Variants in NSUN7 observed in about 807,000 individuals in gnomAD.
The protein encoded by NSUN7 is NOP2/Sun RNA methyltransferase family member 7.
NSUN7 carries 39 observed loss-of-function variants against 58.5 expected under a neutral mutation model. That is an observed-to-expected ratio of 0.67 (90% CI 0.52 to 0.87). The LOEUF (loss-of-function observed/expected upper bound fraction) is 0.87, where lower values mean the gene tolerates loss of function less well. Ranked by LOEUF, NSUN7 falls within the 40% of genes least tolerant of loss-of-function variation. The probability of loss-of-function intolerance (pLI) is 0.00; values close to 1 mark genes in which losing one functional copy is unlikely to be tolerated. For missense variants in NSUN7, 765 were observed against 844.1 expected (o/e 0.91, Z 1.16); for synonymous variants, 278 against 303.7 (o/e 0.92, Z 0.88).
chr4:40,776,178 T>G lies in NSUN7; in HGVS notation c.955T>G (p.Ser319Ala), dbSNP rs150491454. Residue 319 changes from serine to alanine, a missense_variant, in exon 7 of 12, where the codon TCA becomes GCA. Physicochemically the swap from Ser to Ala is moderately conservative, Grantham distance 99 (BLOSUM62 1). Transcript: ENST00000381782. ...HMSILTNNNT[S>A]KVFVCGVQSQ... ...GTCAATTTTAACAAATAATAATACC[T>G]CAAAAGTATTTGTGTGTGGAGTACA... 54 of 1,612,566 alleles carry G rather than the reference T, an allele frequency of 3.3e-5. No homozygotes were observed. The African/African-American group carries it at 6.9e-4, about 21-fold the overall frequency.
chr4:40,751,200 CTG>C (rs1480570601), intron 2 of NSUN7, among the ~76,000 whole-genome samples: 1 of 152,214 alleles, frequency 6.6e-6, no homozygotes, highest in Non-Finnish European at 1.5e-5. Flanking sequence ...TCCCCGTGCA[CTG>C]TGTTTGTCCT....
intron 7 of NSUN7, among the ~76,000 whole-genome samples, chr4:40,787,353 AG>A (rs60350317): frequency 0.14 from 21,006 of 151,448 alleles, 1,537 homozygotes; most frequent in South Asian, 0.17. Flanking sequence ...AAATAAAAAA[AG>A]TGATTTTAAA....
intron 4 of NSUN7, among the ~76,000 whole-genome samples, 176 bp from the exon 5 acceptor site, chr4:40,774,089 C>T (rs750627719): frequency 5.3e-5 from 8 of 152,118 alleles, no homozygotes; most frequent in South Asian, 2.1e-4. Flanking sequence ...TGAGCCGCTG[C>T]GCCTGGGCTT....
intron 11 of NSUN7, among the ~76,000 whole-genome samples, 186 bp downstream of exon 11, chr4:40,807,370 A>G (rs931035410): frequency 4.5e-5 from 6 of 134,634 alleles, no homozygotes; most frequent in African/African-American, 1.7e-4. Context: ...TTTTTTTGAG[A>G]CAGAGTCTTG....
intron 4 of NSUN7, among the ~76,000 whole-genome samples, chr4:40,770,717 T>C (rs1741957103): frequency 6.6e-6 from 1 of 151,836 alleles, no homozygotes; most frequent in Non-Finnish European, 1.5e-5. Flanking sequence ...CCAAAAGAAG[T>C]AGTAAAAAGC....
intron 2 of NSUN7, among the ~76,000 whole-genome samples, chr4:40,752,982 C>T (rs1740914627): frequency 6.6e-6 from 1 of 152,118 alleles, no homozygotes; most frequent in African/African-American, 2.4e-5. Context: ...TGCAATGAAT[C>T]AAATGAACAT....
At position 40,790,256 on chromosome 4, in the gene NSUN7, G is replaced by T. The variant is rs540125348; in HGVS notation, c.1037-346G>T. On this transcript the variant is annotated intron_variant, in intron 7 of 11. Transcript: ENST00000381782. ...TATGAAGAAGGAAATGGAGGCTCAG[G>T]GAGATTAAAATGCACAGCTAGTAAA... Among the ~76,000 whole-genome samples the T allele has an allele frequency of 2.0e-5, 3 of 152,218 alleles. No homozygotes were observed. The East Asian group carries it at 5.8e-4, about 29-fold the overall frequency.
At chr4:40,755,492 A>G (rs1280999133) in intron 2 of NSUN7, among the ~76,000 whole-genome samples, 1 of 152,166 alleles carries the variant, frequency 6.6e-6, no homozygotes, top group Non-Finnish European at 1.5e-5. Context: ...GAAATTGCTT[A>G]TCTTTTTCCT....
At chr4:40,802,980 C>A (rs1743655072) in intron 10 of NSUN7, among the ~76,000 whole-genome samples, 2 of 131,868 alleles carry the variant, frequency 1.5e-5, no homozygotes, top group African/African-American at 5.8e-5. Context: ...TGTTCCCCTT[C>A]CTGTGTCCAT....
chr4:40,759,134 A>G (rs1197891363), intron 2 of NSUN7, among the ~76,000 whole-genome samples: 3 of 151,936 alleles, frequency 2.0e-5, no homozygotes, highest in Non-Finnish European at 4.4e-5. Flanking sequence ...ACATGGTGAA[A>G]CCCTGTCTCT....
At chr4:40,798,690 T>G (rs1214636228) in intron 9 of NSUN7, 97 bp from the exon 10 acceptor site, 2 of 591,378 alleles carry the variant, frequency 3.4e-6, no homozygotes, top group African/African-American at 3.8e-5. Context: ...ATCAAAACCA[T>G]GTGGTATTAG....
chr4:40,786,673 A>G, intron 7 of NSUN7: 2 of 1,580,376 alleles, frequency 1.3e-6, no homozygotes, highest in Non-Finnish European at 1.7e-6. Context: ...TATGATCATT[A>G]AAAGAAGAAA....
intron 9 of NSUN7, among the ~76,000 whole-genome samples, chr4:40,797,066 A>G (rs1222831907): frequency 1.3e-5 from 2 of 152,186 alleles, no homozygotes; most frequent in African/African-American, 4.8e-5. Context: ...TGTCTGTGGC[A>G]GTTGACAGAA....
Position 40,808,461 on chromosome 4 carries a change from A to G in NSUN7, c.1679A>G (p.Asn560Ser). The G allele has an allele frequency of 6.3e-7, 1 of 1,590,880 alleles. No individual in the cohort carries two copies. The highest frequency in any genetic ancestry group is 8.6e-7 in the Non-Finnish European group (1 of 1,165,908). The change falls in exon 12 of 12, where the codon AAT (asparagine) becomes AGT (serine). Residue 560 changes from asparagine to serine, a missense_variant. By Grantham distance (46) the Asn-to-Ser change is conservative. Transcript: ENST00000381782. Reference protein sequence around the residue: ...TSLTKGATTDNGIQMKIAEFL... With the variant: ...TSLTKGATTDSGIQMKIAEFL... The stretch of plus-strand genomic sequence containing the variant: ...TTGACAAAAGGTGCCACTACTGATA[A>G]TGGCATCCAAATGAAAATTGCTGAG...
chr4:40,771,740 AAT>A (rs1489974349), intron 4 of NSUN7, among the ~76,000 whole-genome samples: 1 of 147,704 alleles, frequency 6.8e-6, no homozygotes, highest in Non-Finnish European at 1.5e-5. Flanking sequence ...TATAATTATA[AAT>A]ATATAATTAT....
intron 7 of NSUN7, among the ~76,000 whole-genome samples, chr4:40,779,969 A>G (rs1231376962): frequency 6.6e-6 from 1 of 152,148 alleles, no homozygotes; most frequent in Non-Finnish European, 1.5e-5. Flanking sequence ...TAGAATTGGA[A>G]TATGAGTCTA....
At chr4:40,755,872 A>G (rs1247295507) in intron 2 of NSUN7, among the ~76,000 whole-genome samples, 1 of 152,218 alleles carries the variant, frequency 6.6e-6, no homozygotes, top group African/African-American at 2.4e-5. Flanking sequence ...AGGGTGGTCT[A>G]TGGAGAGCGC....
At chr4:40,799,082 T>G (rs1014663969) in intron 10 of NSUN7, among the ~76,000 whole-genome samples, 178 bp downstream of exon 10, 1 of 138,174 alleles carries the variant, frequency 7.2e-6, no homozygotes, top group African/African-American at 2.8e-5. Context: ...TCTTTTTTTT[T>G]TTTTTTTTTT....
rs1000498423 is a variant in NSUN7, at chr4:40,790,517, A to C, written c.1037-85A>C. The stretch of plus-strand genomic sequence containing the variant: ...TTTTTGTGAGGTTGAGGATTTTAAA[A>C]TGTACAATAAATAGATACAATCACA... On this transcript the variant is annotated intron_variant, in intron 7 of 11. Coordinates refer to ENST00000381782, the MANE Select transcript of NSUN7 (RefSeq NM_024677.6). 11 of 852,766 alleles carry C rather than the reference A, an allele frequency of 1.3e-5. No homozygotes were observed. In the African/African-American group the frequency reaches 1.8e-4, roughly 14 times the overall value. 52.8% of individuals were successfully genotyped at this position (852,766 alleles called of 1,614,324 possible).
Sources: gnomAD v4.1 joint callset for allele counts (sites outside exome capture counted in the v4.1 genomes callset) on GRCh38, gnomAD v4.1.1 for gene constraint, MANE v1.5 for transcripts, NCBI Gene and HGNC (gene_info 2026-07-23, HGNC 2026-07-21) for gene names.